Variants in SNAP29 observed in about 807,000 individuals in gnomAD.
The protein encoded by SNAP29 is synaptosome associated protein 29.
SNAP29 carries 13 observed loss-of-function variants against 27.9 expected under a neutral mutation model. That is an observed-to-expected ratio of 0.47 (90% confidence interval 0.30 to 0.74). SNAP29 has a LOEUF of 0.74. Ranked by LOEUF, SNAP29 falls within the 30% of genes least tolerant of loss-of-function variation. The pLI is 0.06. For missense variants in SNAP29, 368 were observed against 336.5 expected (o/e 1.09, Z -0.73); for synonymous variants, 119 against 127.1 (o/e 0.94, Z 0.43).
At chr22:20,868,884 G>A (rs997205576) in intron 1 of SNAP29, among the ~76,000 whole-genome samples, 1 of 152,202 alleles carries the variant, frequency 6.6e-6, no homozygotes, top group Admixed American at 6.5e-5. Context: ...CAGCTCTGGA[G>A]GGACCATCAG....
At chr22:20,865,167 G>C (rs908467935) in intron 1 of SNAP29, among the ~76,000 whole-genome samples, 1 of 152,048 alleles carries the variant, frequency 6.6e-6, no homozygotes, top group Admixed American at 6.6e-5. Flanking sequence ...TCAGCCTGGG[G>C]AATGTGGTAA....
At chr22:20,867,312 G>A (rs1367940328) in intron 1 of SNAP29, among the ~76,000 whole-genome samples, 3 of 152,092 alleles carry the variant, frequency 2.0e-5, no homozygotes, top group Non-Finnish European at 4.4e-5. Context: ...GGAAGTTGGA[G>A]AAGATGGGCC....
At chr22:20,881,025 T>C (rs1928878122) in intron 2 of SNAP29, 24 bp from the exon 3 acceptor site, 2 of 1,513,208 alleles carry the variant, frequency 1.3e-6, no homozygotes, top group Non-Finnish European at 1.8e-6. Context: ...AAACGTTTTC[T>C]TTTTTGTGAA....
intron 2 of SNAP29, among the ~76,000 whole-genome samples, chr22:20,878,841 G>A (rs545152518): frequency 6.6e-6 from 1 of 152,284 alleles, no homozygotes; most frequent in Non-Finnish European, 1.5e-5. Flanking sequence ...AGGATGTCGG[G>A]GATCAGCAGG....
Position 20,888,345 on chromosome 22 carries a change from ACACACACACACT to A in SNAP29, c.*511_*522del, listed in dbSNP as rs758064158. 703 of 185,532 alleles carry A rather than the reference ACACACACACACT, an allele frequency of 3.8e-3. 9 individuals are homozygous for A. The highest frequency in any genetic ancestry group is 0.011 in the African/African-American group (372 of 34,380). The allele number at this position is 185,532 out of a possible 1,614,324, so 11.5% of individuals were successfully genotyped here. On this transcript the variant is annotated 3_prime_UTR_variant, in exon 5 of 5. Coordinates refer to ENST00000215730, the MANE Select transcript of SNAP29 (RefSeq NM_004782.4). ...CACACACACACACACACACACACACACACACACACACTCTCTGAGCACATTATCTGTGATTCT... is the reference window on the plus strand; with the variant it reads ...CACACACACACACACACACACACACACTCTGAGCACATTATCTGTGATTCT...
At chr22:20,879,200 A>G (rs1465843603) in intron 2 of SNAP29, among the ~76,000 whole-genome samples, 2 of 151,888 alleles carry the variant, frequency 1.3e-5, no homozygotes, top group Admixed American at 6.6e-5. Flanking sequence ...CCAGCTACTC[A>G]GGAGGCTGAG....
At chr22:20,859,523 G>T in intron 1 of SNAP29, 176 bp downstream of exon 1, 1 of 629,014 alleles carries the variant, frequency 1.6e-6, no homozygotes. Context: ...ATGTGCATCT[G>T]GAGTACTTGA....
intron 2 of SNAP29, among the ~76,000 whole-genome samples, chr22:20,878,546 C>G (rs925646978): frequency 1.3e-5 from 2 of 151,982 alleles, no homozygotes; most frequent in African/African-American, 4.8e-5. Flanking sequence ...CCACTGCACT[C>G]CAGCCTGGGT....
chr22:20,860,642 A>G (rs899421635), intron 1 of SNAP29, among the ~76,000 whole-genome samples: 1 of 151,984 alleles, frequency 6.6e-6, no homozygotes, highest in Admixed American at 6.5e-5. Context: ...AAGGGCTGGG[A>G]TTACAGGCGT....
At chr22:20,881,621 C>T (rs1271635198) in intron 3 of SNAP29, among the ~76,000 whole-genome samples, 1 of 152,190 alleles carries the variant, frequency 6.6e-6, no homozygotes, top group Non-Finnish European at 1.5e-5. Context: ...ACAGGAGAAT[C>T]ACTTGTATCT....
intron 1 of SNAP29, among the ~76,000 whole-genome samples, chr22:20,865,721 A>G (rs1455195878): frequency 6.6e-6 from 1 of 152,226 alleles, no homozygotes; most frequent in Admixed American, 6.5e-5. Flanking sequence ...GATGCTGATT[A>G]AAACCATCAA....
At chr22:20,871,482 T>TAAAAAAA (rs58294079) in intron 2 of SNAP29, among the ~76,000 whole-genome samples, 2 of 64,132 alleles carry the variant, frequency 3.1e-5, no homozygotes, top group East Asian at 4.8e-4. Flanking sequence ...TCCCTGTCTC[T>TAAAAAAA]AAAAAAAAAA....
chr22:20,884,231 C>T (rs1928959854), intron 4 of SNAP29, among the ~76,000 whole-genome samples: 1 of 151,780 alleles, frequency 6.6e-6, no homozygotes, highest in South Asian at 2.1e-4. Context: ...TATCGGGTGG[C>T]TGAGGCAGGA....
intron 2 of SNAP29, among the ~76,000 whole-genome samples, chr22:20,874,438 C>G (rs1928690038): frequency 6.6e-6 from 1 of 150,796 alleles, no homozygotes; most frequent in Non-Finnish European, 1.5e-5. Context: ...GTGGTCCCAG[C>G]TACTGAGGTG....
At chr22:20,861,907 ACAGG>A (rs966020015) in intron 1 of SNAP29, among the ~76,000 whole-genome samples, 33 of 152,310 alleles carry the variant, frequency 2.2e-4, no homozygotes, top group African/African-American at 6.5e-4. Flanking sequence ...TGTTGGGATT[ACAGG>A]CGTGAGCGAC....
intron 2 of SNAP29, among the ~76,000 whole-genome samples, chr22:20,874,914 C>T (rs1303383714): frequency 5.3e-5 from 8 of 152,082 alleles, no homozygotes; most frequent in Non-Finnish European, 1.2e-4. Context: ...CCTCCATGTA[C>T]AAACTCAGGA....
At chr22:20,878,839 G>A (rs1601652435) in intron 2 of SNAP29, among the ~76,000 whole-genome samples, 2 of 149,772 alleles carry the variant, frequency 1.3e-5, no homozygotes, top group African/African-American at 2.5e-5. Context: ...GCAGGATGTC[G>A]GGGATCAGCA....
intron 2 of SNAP29, among the ~76,000 whole-genome samples, chr22:20,877,744 T>G (rs946255308): frequency 1.3e-5 from 2 of 152,166 alleles, no homozygotes; most frequent in African/African-American, 4.8e-5. Flanking sequence ...AAATTGGCTT[T>G]CTTTGTGGGG....
chr22:20,871,961 G>A (rs1569117275), intron 2 of SNAP29, among the ~76,000 whole-genome samples: 1 of 152,138 alleles, frequency 6.6e-6, no homozygotes, highest in Non-Finnish European at 1.5e-5. Context: ...TTCTGCTGAA[G>A]TAGATTACTA....
Sources: gnomAD v4.1 joint callset for allele counts (sites outside exome capture counted in the v4.1 genomes callset) on GRCh38, gnomAD v4.1.1 for gene constraint, MANE v1.5 for transcripts, NCBI Gene and HGNC (gene_info 2026-07-23, HGNC 2026-07-21) for gene names.